The following GLCE variants were observed in gnomAD, a reference collection of about 807,000 sequenced individuals.
GLCE encodes D-glucuronyl C5-epimerase.
GLCE carries 19 observed loss-of-function variants against 47.9 expected under a neutral mutation model. The ratio of observed to expected loss-of-function variants is 0.40; its 90% confidence interval spans 0.28 to 0.58. The LOEUF (loss-of-function observed/expected upper bound fraction) is 0.58, where lower values mean the gene tolerates loss of function less well. Ranked by LOEUF, GLCE falls within the 20% of genes least tolerant of loss-of-function variation. The pLI is 0.48. For missense variants in GLCE, 556 were observed against 743.3 expected, an observed-to-expected ratio of 0.75 and a Z score of 2.93; for synonymous variants, 245 against 263.4, an observed-to-expected ratio of 0.93 and a Z score of 0.68.
intron 1 of GLCE, among the ~76,000 whole-genome samples, chr15:69,168,167 G>A (rs1192149474): frequency 6.6e-6 from 1 of 152,112 alleles, no homozygotes; most frequent in Non-Finnish European, 1.5e-5. Flanking sequence ...ACACGGTGAT[G>A]CATGCCTGTA....
chr15:69,229,007 A>G (rs1478382214), intron 2 of GLCE, among the ~76,000 whole-genome samples: 2 of 152,204 alleles, frequency 1.3e-5, no homozygotes, highest in African/African-American at 4.8e-5. Context: ...CAAGGGATAC[A>G]TGTTACATAT....
At chr15:69,212,376 T>C (rs992411154) in intron 2 of GLCE, among the ~76,000 whole-genome samples, 3 of 151,976 alleles carry the variant, frequency 2.0e-5, no homozygotes, top group Non-Finnish European at 4.4e-5. Flanking sequence ...AATAAACTCA[T>C]AGGAAAGTTT....
intron 1 of GLCE, among the ~76,000 whole-genome samples, chr15:69,203,696 G>A (rs992204764): frequency 1.3e-5 from 2 of 152,066 alleles, no homozygotes; most frequent in Admixed American, 6.6e-5. Flanking sequence ...ATAATTGGAT[G>A]TAATATTATG....
At chr15:69,218,024 C>T (rs944950158) in intron 2 of GLCE, among the ~76,000 whole-genome samples, 3 of 151,456 alleles carry the variant, frequency 2.0e-5, no homozygotes, top group Non-Finnish European at 2.9e-5. Flanking sequence ...CGTGGTGGTG[C>T]GCACCTGTAA....
intron 2 of GLCE, among the ~76,000 whole-genome samples, chr15:69,249,286 C>T (rs778419680): frequency 1.3e-5 from 2 of 152,144 alleles, no homozygotes; most frequent in Non-Finnish European, 2.9e-5. Context: ...CTTTTCTTAA[C>T]ACCTTAAAAG....
intron 2 of GLCE, among the ~76,000 whole-genome samples, chr15:69,234,499 C>T (rs534060476): frequency 1.3e-5 from 2 of 152,170 alleles, no homozygotes; most frequent in East Asian, 3.9e-4. Flanking sequence ...TCAGTGAAAA[C>T]TTAGTTTCAA....
intron 2 of GLCE, among the ~76,000 whole-genome samples, chr15:69,213,611 A>T (rs2052263759): frequency 6.6e-6 from 1 of 152,142 alleles, no homozygotes; most frequent in Non-Finnish European, 1.5e-5. Flanking sequence ...GGTGTCTATC[A>T]GATTTCTCTA....
At chr15:69,224,873 G>A (rs1308598289) in intron 2 of GLCE, among the ~76,000 whole-genome samples, 5 of 152,216 alleles carry the variant, frequency 3.3e-5, no homozygotes, top group Non-Finnish European at 4.4e-5. Flanking sequence ...CAGTGCAGTT[G>A]TTGTCTAAGT....
intron 1 of GLCE, chr15:69,194,586 T>C (rs1331282608): frequency 6.6e-6 from 1 of 152,128 alleles, no homozygotes; most frequent in Non-Finnish European, 1.5e-5. Context: ...CAGATAGTGA[T>C]GTAGGTATGG....
intron 3 of GLCE, 199 bp from the exon 4 acceptor site, chr15:69,260,888 A>T: frequency 2.0e-6 from 1 of 511,280 alleles, no homozygotes. Flanking sequence ...ATGAGAGTGA[A>T]AGAATACTTA....
chr15:69,176,640 A>G (rs116387528), intron 1 of GLCE, among the ~76,000 whole-genome samples: 513 of 152,262 alleles, frequency 3.4e-3, no homozygotes, highest in African/African-American at 0.012. Flanking sequence ...AACTTAGCAT[A>G]AAGGGGATCA....
Position 69,268,498 on chromosome 15 carries a change from G to GAA in GLCE, c.1108_1109insAA (p.Val370GlufsTer7). ...AGTGGGTCTTTCAAACACAAAAGCT[G>GAA]TCAAGCCAACCAAAATAATGCCCAA... On this transcript the variant is annotated frameshift_variant, in exon 5 of 5. Coordinates refer to ENST00000261858, the MANE Select transcript of GLCE (RefSeq NM_015554.3). LOFTEE classifies it high-confidence loss of function. The GAA allele has an allele frequency of 6.2e-7, 1 of 1,614,174 alleles. No individual in the cohort carries two copies. Among genetic ancestry groups the GAA allele is most frequent in the Non-Finnish European group, 8.5e-7 (1 of 1,180,032 alleles).
chr15:69,236,918 GCTAGTCT>G (rs1368991977), intron 2 of GLCE, among the ~76,000 whole-genome samples: 2 of 152,128 alleles, frequency 1.3e-5, no homozygotes, highest in African/African-American at 4.8e-5. Flanking sequence ...CAAAACTGCT[GCTAGTCT>G]CTTCCTCTAC....
chr15:69,246,342 A>C (rs529771705), intron 2 of GLCE, among the ~76,000 whole-genome samples: 2 of 152,218 alleles, frequency 1.3e-5, no homozygotes, highest in African/African-American at 4.8e-5. Flanking sequence ...GCAGGTTTTC[A>C]ATTTATTTTA....
At chr15:69,255,705 AT>A in intron 2 of GLCE, 88 bp from the exon 3 acceptor site, 1 of 781,940 alleles carries the variant, frequency 1.3e-6, no homozygotes, top group Non-Finnish European at 2.0e-6. Context: ...GTTGTTCAAC[AT>A]TAAAAAAAAA....
Position 69,269,133 on chromosome 15 carries a change from C to A in GLCE, c.1743C>A (p.Thr581=). ...PNLARWDYHT[T]HINQLQLLST... Reference sequence around the variant, plus strand: ...TGGCTCGCTGGGACTATCATACCACCCACATCAATCAGTTGCAGCTACTCA... The same window carrying A: ...TGGCTCGCTGGGACTATCATACCACACACATCAATCAGTTGCAGCTACTCA... Residue 581 remains threonine (T), a synonymous_variant, in exon 5 of 5, where the codon ACC becomes ACA. Transcript: ENST00000261858. The A allele has an allele frequency of 6.2e-7, 1 of 1,613,880 alleles. No homozygotes were observed. Among genetic ancestry groups the A allele is most frequent in the South Asian group, 1.1e-5 (1 of 91,080 alleles).
intron 2 of GLCE, among the ~76,000 whole-genome samples, chr15:69,235,204 T>C (rs573829257): frequency 1.4e-5 from 2 of 141,430 alleles, no homozygotes; most frequent in Non-Finnish European, 3.0e-5. Flanking sequence ...GCCTCCTGGG[T>C]TCAAGCGATT....
chr15:69,241,172 T>C (rs183635113), intron 2 of GLCE, among the ~76,000 whole-genome samples: 6 of 152,344 alleles, frequency 3.9e-5, no homozygotes, highest in Admixed American at 3.3e-4. Context: ...TAGCTTTAGA[T>C]TGATTGTTCT....
intron 1 of GLCE, chr15:69,196,918 T>C: frequency 5.2e-6 from 1 of 192,984 alleles, no homozygotes; most frequent in South Asian, 1.0e-4. Context: ...ATGACCAGCT[T>C]GGTGGTTGGA....
Sources: gnomAD v4.1 joint callset for allele counts (sites outside exome capture counted in the v4.1 genomes callset) on GRCh38, gnomAD v4.1.1 for gene constraint, MANE v1.5 for transcripts, NCBI Gene and HGNC (gene_info 2026-07-23, HGNC 2026-07-21) for gene names.